TEAD4: variants seen among roughly 807,000 people sequenced by gnomAD.
TEAD4 encodes the protein transcriptional enhancer factor TEF-3.
Under a neutral mutation model 52.4 loss-of-function variants are expected in TEAD4, and 36 were observed. The observed-to-expected ratio is 0.69, with a 90% CI of 0.53 to 0.91. TEAD4 has a LOEUF of 0.91. Ranked by LOEUF, TEAD4 falls within the 40% of genes least tolerant of loss-of-function variation. The pLI, the probability that TEAD4 is intolerant of heterozygous loss-of-function variation, is 0.00. For synonymous variants in TEAD4, 220 were observed against 231.0 expected, an observed-to-expected ratio of 0.95 and a Z score of 0.43; for missense variants, 508 against 583.9, an observed-to-expected ratio of 0.87 and a Z score of 1.34.
At chr12:2,967,053 T>C (rs1366325589) in intron 2 of TEAD4, among the ~76,000 whole-genome samples, 1 of 152,146 alleles carries the variant, frequency 6.6e-6, no homozygotes, top group African/African-American at 2.4e-5. Context: ...CATTGGCTGA[T>C]AGAACCAGGG....
intron 2 of TEAD4, among the ~76,000 whole-genome samples, chr12:2,968,147 C>T (rs529495384): frequency 2.3e-5 from 3 of 132,310 alleles, no homozygotes; most frequent in South Asian, 5.3e-4. Flanking sequence ...AGTGCAATGG[C>T]GTGATCTCGA....
chr12:2,979,874 T>C (rs61251986), intron 2 of TEAD4, among the ~76,000 whole-genome samples: 17,098 of 152,156 alleles, frequency 0.11, 1,074 homozygotes, highest in African/African-American at 0.16. Flanking sequence ...ATATAGTACA[T>C]GCCCAGTGAA....
chr12:2,968,607 A>G (rs1339195306), intron 2 of TEAD4, among the ~76,000 whole-genome samples: 1 of 151,272 alleles, frequency 6.6e-6, no homozygotes, highest in Non-Finnish European at 1.5e-5. Flanking sequence ...TATTTTTCAT[A>G]GAGACAGGAT....
intron 10 of TEAD4, among the ~76,000 whole-genome samples, chr12:3,032,721 C>T (rs1591599724): frequency 2.6e-5 from 2 of 76,744 alleles, no homozygotes; most frequent in African/African-American, 5.6e-5. Context: ...TGAGTGCCAG[C>T]GGCCTGGGCA....
At chr12:3,030,372 G>T (rs1219970198) in intron 10 of TEAD4, among the ~76,000 whole-genome samples, 1 of 152,146 alleles carries the variant, frequency 6.6e-6, no homozygotes, top group Non-Finnish European at 1.5e-5. Context: ...TGGGAGGGGT[G>T]GGCCTGGGGG....
intron 2 of TEAD4, chr12:2,960,425 C>G (rs1003449838): frequency 8.5e-6 from 8 of 938,002 alleles, no homozygotes; most frequent in African/African-American, 7.1e-5. Flanking sequence ...GGTCCTACAC[C>G]TCAGGGCTTG....
At chr12:3,019,067 G>A (rs765101805) in intron 7 of TEAD4, 48 bp from the exon 8 acceptor site, 19 of 1,608,666 alleles carry the variant, frequency 1.2e-5, no homozygotes, top group Middle Eastern at 1.6e-4. Flanking sequence ...GGGATCCGGG[G>A]CGGTGGCCTG....
chr12:2,964,515 T>C (rs10848754), intron 2 of TEAD4, among the ~76,000 whole-genome samples: 75,936 of 150,530 alleles, frequency 0.5, 21,158 homozygotes, highest in Non-Finnish European at 0.63. Flanking sequence ...TGGAGTGCAG[T>C]GCTGCAATCT....
chr12:2,990,581 T>G (rs1306793648), intron 2 of TEAD4, among the ~76,000 whole-genome samples: 3 of 151,082 alleles, frequency 2.0e-5, no homozygotes, highest in Non-Finnish European at 1.5e-5. Context: ...TTCTCTTGCT[T>G]CAGCCTCCCG....
At chr12:3,022,720 A>G (rs1208952032) in intron 10 of TEAD4, among the ~76,000 whole-genome samples, 2 of 152,118 alleles carry the variant, frequency 1.3e-5, no homozygotes, top group African/African-American at 4.8e-5. Flanking sequence ...TGTGCAGAAA[A>G]GGGGTGCGAG....
At chr12:3,033,764 T>A (rs1664503953) in intron 10 of TEAD4, among the ~76,000 whole-genome samples, 1 of 152,150 alleles carries the variant, frequency 6.6e-6, no homozygotes, top group South Asian at 2.1e-4. Flanking sequence ...AAGGGGGCAC[T>A]CACAGGGCAG....
intron 2 of TEAD4, among the ~76,000 whole-genome samples, chr12:2,965,241 C>T (rs1209931119): frequency 6.6e-6 from 1 of 152,014 alleles, no homozygotes; most frequent in Non-Finnish European, 1.5e-5. Context: ...ATGGCTCACT[C>T]CTTGAACTCC....
At chr12:2,979,715 C>T (rs2098232659) in intron 2 of TEAD4, among the ~76,000 whole-genome samples, 1 of 152,154 alleles carries the variant, frequency 6.6e-6, no homozygotes, top group African/African-American at 2.4e-5. Flanking sequence ...TCCCTCCTTC[C>T]CTCCTGAGAT....
intron 2 of TEAD4, among the ~76,000 whole-genome samples, chr12:2,991,610 C>T (rs1052535335): frequency 6.6e-6 from 1 of 151,960 alleles, no homozygotes; most frequent in Non-Finnish European, 1.5e-5. Flanking sequence ...TACAGTGAGC[C>T]GAGATTGTAC....
At chr12:2,991,704 G>A (rs1391048147) in intron 2 of TEAD4, among the ~76,000 whole-genome samples, 2 of 147,072 alleles carry the variant, frequency 1.4e-5, no homozygotes, top group African/African-American at 4.9e-5. Context: ...ATGGAAAAAT[G>A]TTTTCATGTT....
chr12:3,008,687 C>G (rs1420240589), intron 3 of TEAD4, among the ~76,000 whole-genome samples: 2 of 152,124 alleles, frequency 1.3e-5, no homozygotes, highest in Non-Finnish European at 2.9e-5. Flanking sequence ...CCACACCAGA[C>G]TCATTCATTC....
At chr12:2,962,319 T>TAAATATAA (rs1555118321) in intron 2 of TEAD4, among the ~76,000 whole-genome samples, 6 of 95,434 alleles carry the variant, frequency 6.3e-5, no homozygotes, top group Admixed American at 1.3e-4. Flanking sequence ...TATATAAATA[T>TAAATATAA]ATATATAAAT....
At chr12:3,040,282 G>A (rs770658422) in intron 12 of TEAD4, 23 bp downstream of exon 12, 4 of 1,614,098 alleles carry the variant, frequency 2.5e-6, no homozygotes, top group South Asian at 2.2e-5. Flanking sequence ...TGCTGCGGGT[G>A]TGGCTGGAGT....
At chr12:3,017,337 T>A in intron 5 of TEAD4, 61 bp from the exon 6 acceptor site, 1 of 1,609,952 alleles carries the variant, frequency 6.2e-7, no homozygotes, top group Non-Finnish European at 8.5e-7. Context: ...GGGCCGGACC[T>A]GCCTGGCCTC....
Sources: allele counts gnomAD v4.1 joint callset (sites outside exome capture counted in the v4.1 genomes callset), GRCh38; gene constraint gnomAD v4.1.1; transcripts MANE v1.5; gene names NCBI Gene and HGNC (gene_info 2026-07-23, HGNC 2026-07-21).